Variants in ATP9B observed in about 807,000 individuals in gnomAD.
The protein encoded by ATP9B is probable phospholipid-transporting ATPase IIB.
ATP9B carries 110 observed loss-of-function variants against 146.1 expected under a neutral mutation model. The ratio of observed to expected loss-of-function variants is 0.75; its 90% CI spans 0.65 to 0.88. The LOEUF (loss-of-function observed/expected upper bound fraction) is 0.88. Ranked by LOEUF, ATP9B falls within the 40% of genes least tolerant of loss-of-function variation. ATP9B has a pLI of 0.00. For missense variants in ATP9B, 1,499 were observed against 1,496.4 expected (o/e 1.00, Z -0.03); for synonymous variants, 604 against 569.7 (o/e 1.06, Z -0.86).
chr18:79,200,764 T>TCA (rs1568388923), intron 9 of ATP9B, among the ~76,000 whole-genome samples: 2 of 3,872 alleles, frequency 5.2e-4, no homozygotes, highest in Non-Finnish European at 6.6e-4. Flanking sequence ...GGTGGGAACG[T>TCA]TGGGGTCAGA....
Position 79,237,601 on chromosome 18 carries a change from T to C in ATP9B, c.1108-15780T>C, listed in dbSNP as rs73971593. On this transcript the variant is annotated intron_variant, in intron 11 of 29. Coordinates refer to ENST00000426216, the MANE Select transcript of ATP9B (RefSeq NM_198531.5). ...TCAACGAATATTGTGTATTCCTTTATTTTTCAATAATGTCTTATGATTGTT... is the reference window on the plus strand; with the variant it reads ...TCAACGAATATTGTGTATTCCTTTACTTTTCAATAATGTCTTATGATTGTT... 4.7e-3 allele frequency among the ~76,000 whole-genome samples: 713 copies of C among 152,326 alleles called. 8 individuals are homozygous for C. The highest frequency in any genetic ancestry group is 0.015 in the African/African-American group (644 of 41,566).
intron 1 of ATP9B, among the ~76,000 whole-genome samples, chr18:79,078,836 G>C (rs992263897): frequency 1.3e-5 from 2 of 151,930 alleles, no homozygotes; most frequent in Non-Finnish European, 2.9e-5. Flanking sequence ...GACAGGCCCC[G>C]GTGTGTGTTG....
At position 79,147,824 on chromosome 18, in the gene ATP9B, A is replaced by C. The variant is rs1308532715; in HGVS notation, c.726+3964A>C. On this transcript the variant is annotated intron_variant, in intron 6 of 29. Transcript: ENST00000426216. ...GAAGGAAGGGAATAATAAAGATACAAGTAGAAGTCAGTAAAATGGAAAATA... is the reference window on the plus strand; with the variant it reads ...GAAGGAAGGGAATAATAAAGATACACGTAGAAGTCAGTAAAATGGAAAATA... 2.0e-5 allele frequency among the ~76,000 whole-genome samples: 3 copies of C among 152,042 alleles called. No homozygotes were observed. The East Asian group carries it at 5.8e-4, about 30-fold the overall frequency.
At chr18:79,339,681 G>C (rs2096848008) in intron 19 of ATP9B, among the ~76,000 whole-genome samples, 1 of 151,104 alleles carries the variant, frequency 6.6e-6, no homozygotes, top group African/African-American at 2.4e-5. Flanking sequence ...AGTGTGTCAT[G>C]ATCGCAGTAG....
At chr18:79,107,770 G>T (rs935643325) in intron 2 of ATP9B, among the ~76,000 whole-genome samples, 1 of 152,188 alleles carries the variant, frequency 6.6e-6, no homozygotes, top group Non-Finnish European at 1.5e-5. Flanking sequence ...GAAAGGCGGT[G>T]CATGAACTTG....
intron 29 of ATP9B, chr18:79,375,772 A>C: frequency 1.0e-6 from 1 of 985,402 alleles, no homozygotes; most frequent in Non-Finnish European, 1.2e-6. Context: ...GAGTACACAC[A>C]AACTTAGGAA....
At chr18:79,201,967 G>A (rs1314586999) in intron 9 of ATP9B, among the ~76,000 whole-genome samples, 1 of 152,168 alleles carries the variant, frequency 6.6e-6, no homozygotes, top group African/African-American at 2.4e-5. Flanking sequence ...TGGGAGGATT[G>A]CTGGAGCCTG....
chr18:79,178,929 A>G (rs2095216295), intron 8 of ATP9B, among the ~76,000 whole-genome samples: 1 of 152,192 alleles, frequency 6.6e-6, no homozygotes, highest in African/African-American at 2.4e-5. Flanking sequence ...TTGGCATAAA[A>G]TTGGCGTTAT....
chr18:79,121,958 T>C (rs1353603586), intron 4 of ATP9B, among the ~76,000 whole-genome samples: 1 of 152,208 alleles, frequency 6.6e-6, no homozygotes, highest in East Asian at 1.9e-4. Flanking sequence ...TTGTGGCTTA[T>C]GATTACTCAA....
At chr18:79,297,255 CCAGAGAGAAGA>C (rs1211072922) in intron 13 of ATP9B, among the ~76,000 whole-genome samples, 15 of 148,500 alleles carry the variant, frequency 1.0e-4, no homozygotes, top group African/African-American at 3.8e-4. Context: ...CGCAGACGAC[CCAGAGAGAAGA>C]CAGAGAGATG....
At chr18:79,205,201 C>A (rs1168171849) in intron 9 of ATP9B, among the ~76,000 whole-genome samples, 1 of 152,170 alleles carries the variant, frequency 6.6e-6, no homozygotes, top group Non-Finnish European at 1.5e-5. Flanking sequence ...ATTGAAAATA[C>A]TTTAGTTACT....
intron 6 of ATP9B, among the ~76,000 whole-genome samples, chr18:79,151,850 C>T (rs1008265910): frequency 6.6e-6 from 1 of 151,670 alleles, no homozygotes; most frequent in Non-Finnish European, 1.5e-5. Flanking sequence ...TTAGGTATTT[C>T]TTCTGTTGCT....
At chr18:79,285,133 C>G (rs1464371849) in intron 13 of ATP9B, among the ~76,000 whole-genome samples, 1 of 151,246 alleles carries the variant, frequency 6.6e-6, no homozygotes, top group Non-Finnish European at 1.5e-5. Context: ...TGGGTATATA[C>G]CCAGTAATGG....
chr18:79,153,707 G>C (rs1011543585), intron 6 of ATP9B, among the ~76,000 whole-genome samples: 1 of 150,648 alleles, frequency 6.6e-6, no homozygotes, highest in Non-Finnish European at 1.5e-5. Context: ...CTGAAGTGCA[G>C]TGGCATGAAC....
At chr18:79,148,913 TATA>T (rs1443858082) in intron 6 of ATP9B, among the ~76,000 whole-genome samples, 2 of 152,220 alleles carry the variant, frequency 1.3e-5, no homozygotes, top group Non-Finnish European at 2.9e-5. Context: ...CTCATTTTTA[TATA>T]ATAATGAAAA....
At position 79,279,044 on chromosome 18, in the gene ATP9B, G is replaced by A. The variant is rs549516518; in HGVS notation, c.1411+1848G>A. Reference sequence around the variant, plus strand: ...CGTCCTGCAGAACCTAGGGGTGGACGAGCCCCAGACCTGGAGCCGACAGGT... The same window carrying A: ...CGTCCTGCAGAACCTAGGGGTGGACAAGCCCCAGACCTGGAGCCGACAGGT... On this transcript the variant is annotated intron_variant, in intron 13 of 29. Coordinates refer to ENST00000426216, the MANE Select transcript of ATP9B (RefSeq NM_198531.5). Among the ~76,000 whole-genome samples the A allele has an allele frequency of 9.8e-5, 15 of 152,292 alleles. 1 individual carries two copies. Among genetic ancestry groups the A allele is most frequent in the East Asian group, 5.8e-4 (3 of 5,174 alleles).
intron 17 of ATP9B, among the ~76,000 whole-genome samples, chr18:79,332,014 GC>G (rs1376185876): frequency 1.3e-5 from 2 of 152,238 alleles, no homozygotes; most frequent in African/African-American, 4.8e-5. Context: ...ACTGCTGATA[GC>G]CTCCTGTTGA....
intron 5 of ATP9B, among the ~76,000 whole-genome samples, chr18:79,136,817 G>A (rs1194033994): frequency 6.6e-6 from 1 of 152,174 alleles, no homozygotes; most frequent in Non-Finnish European, 1.5e-5. Flanking sequence ...GTTCAGCATG[G>A]CTGGGGAAGG....
At chr18:79,154,088 G>A (rs1489351250) in intron 6 of ATP9B, among the ~76,000 whole-genome samples, 2 of 151,348 alleles carry the variant, frequency 1.3e-5, no homozygotes. Flanking sequence ...CCTGTAGCTG[G>A]GACTACAGGT....
Sources: gnomAD v4.1 joint callset for allele counts (sites outside exome capture counted in the v4.1 genomes callset) on GRCh38, gnomAD v4.1.1 for gene constraint, MANE v1.5 for transcripts, NCBI Gene and HGNC (gene_info 2026-07-23, HGNC 2026-07-21) for gene names.